Variants in DOCK2 observed in about 807,000 individuals in gnomAD.
DOCK2 encodes the protein dedicator of cytokinesis 2.
In DOCK2, 87 loss-of-function variants were observed where a neutral mutation model predicts 248.9. The observed-to-expected ratio is 0.35, with a 90% CI of 0.29 to 0.42. DOCK2 has a LOEUF of 0.42. Ranked by LOEUF, DOCK2 falls within the 10% of genes least tolerant of loss-of-function variation. The pLI is 1.00. For missense variants in DOCK2, 1,747 were observed against 2,300.2 expected (o/e 0.76, Z 4.92); for synonymous variants, 805 against 821.6 (o/e 0.98, Z 0.35).
chr5:169,683,281 G>A (rs912323531), intron 7 of DOCK2, among the ~76,000 whole-genome samples: 15 of 152,320 alleles, frequency 9.8e-5, no homozygotes, highest in South Asian at 6.2e-4. Context: ...CCAGGCTGGA[G>A]TATAATGGTG....
At chr5:169,868,410 C>G (rs1214314931) in intron 27 of DOCK2, among the ~76,000 whole-genome samples, 1 of 152,180 alleles carries the variant, frequency 6.6e-6, no homozygotes, top group East Asian at 1.9e-4. Flanking sequence ...AATAAACAAA[C>G]AATGACAACA....
In DOCK2 at chr5:169,764,870, T is replaced by TGTC. The variant is rs1764678187; in HGVS notation, c.2554+3247_2554+3248insCGT. Among the ~76,000 whole-genome samples, 1 of 152,060 alleles carries TGTC rather than the reference T, an allele frequency of 6.6e-6. No homozygotes were observed. Among genetic ancestry groups the TGTC allele is most frequent in the African/African-American group, 2.4e-5 (1 of 41,370 alleles). On this transcript the variant is annotated intron_variant, in intron 25 of 51. Transcript: ENST00000520908. This position sits in a 1 kb window ranked among gnomAD's most constrained non-coding sequence, Gnocchi z 4.3. Reference sequence around the variant, plus strand: ...TTGTTGTTGTTGTTGTTGTTGTTGTTGTTTTCAATTTTTATTGCCCTAGAA... The same window carrying TGTC: ...TTGTTGTTGTTGTTGTTGTTGTTGTTGTCGTTTTCAATTTTTATTGCCCTAGAA...
intron 26 of DOCK2, among the ~76,000 whole-genome samples, chr5:169,836,648 A>C (rs866404989): frequency 2.1e-4 from 32 of 152,176 alleles, no homozygotes; most frequent in South Asian, 1.0e-3. Context: ...ACTTCAAAAA[A>C]TAAACACAAT....
chr5:169,659,156 A>G (rs777175556), intron 2 of DOCK2, among the ~76,000 whole-genome samples: 71 of 151,846 alleles, frequency 4.7e-4, no homozygotes, highest in East Asian at 1.9e-4. Context: ...CGGGCTTTCA[A>G]TAGTTTTAAA....
intron 32 of DOCK2, 124 bp downstream of exon 32, chr5:170,008,870 G>A: frequency 8.6e-7 from 1 of 1,163,614 alleles, no homozygotes; most frequent in South Asian, 1.3e-5. Flanking sequence ...TCATTACTGT[G>A]TGTACCCCAG....
intron 25 of DOCK2, among the ~76,000 whole-genome samples, chr5:169,788,409 C>T (rs544981674): frequency 4.8e-4 from 73 of 152,332 alleles, no homozygotes; most frequent in African/African-American, 1.7e-3. Flanking sequence ...ATTAGCTTCT[C>T]TCCAGTTCTT....
chr5:170,063,877 C>A (rs1757409991), intron 44 of DOCK2, among the ~76,000 whole-genome samples: 1 of 152,136 alleles, frequency 6.6e-6, no homozygotes, highest in Non-Finnish European at 1.5e-5. Context: ...CAGATTCTCT[C>A]CCCAGCTTAG....
intron 27 of DOCK2, among the ~76,000 whole-genome samples, chr5:169,948,336 G>A (rs1776526275): frequency 6.6e-6 from 1 of 152,108 alleles, no homozygotes; most frequent in Non-Finnish European, 1.5e-5. Context: ...TTATGAAAAA[G>A]ATAAAACACA....
chr5:169,988,477 C>G (rs1287193980), intron 29 of DOCK2, among the ~76,000 whole-genome samples: 1 of 152,028 alleles, frequency 6.6e-6, no homozygotes, highest in Non-Finnish European at 1.5e-5. Context: ...AAACAATGCT[C>G]TTAATCTCTG....
intron 25 of DOCK2, among the ~76,000 whole-genome samples, chr5:169,768,647 C>A (rs890477740): frequency 2.0e-5 from 3 of 152,176 alleles, no homozygotes; most frequent in African/African-American, 7.2e-5. Context: ...AGCTTCCCTG[C>A]AGCAAGCCGG....
rs137954328 is a variant in DOCK2 at position 169,977,292 on chromosome 5, T to C, written c.2800-5776T>C. Among the ~76,000 whole-genome samples the C allele has an allele frequency of 5.3e-4, 81 of 152,292 alleles. 1 individual carries two copies. Among genetic ancestry groups the C allele is most frequent in the South Asian group, 4.1e-3 (20 of 4,822 alleles). ...CTTAGCTGTTCATCCCAAGCTGTGA[T>C]TGGGAGTGCTTGATGTGTCCATAGA... is the stretch of plus-strand genomic sequence containing the variant. On this transcript the variant is annotated intron_variant, in intron 27 of 51. Coordinates refer to ENST00000520908, the MANE Select transcript of DOCK2 (RefSeq NM_004946.3).
chr5:170,061,030 A>C (rs1394069387), intron 44 of DOCK2, among the ~76,000 whole-genome samples: 1 of 151,814 alleles, frequency 6.6e-6, no homozygotes, highest in Non-Finnish European at 1.5e-5. Context: ...ACTCCATCTA[A>C]AAAAAAATTA....
chr5:169,732,623 A>G (rs943897563), intron 22 of DOCK2, among the ~76,000 whole-genome samples: 1 of 152,182 alleles, frequency 6.6e-6, no homozygotes, highest in African/African-American at 2.4e-5. Context: ...TTGACACCTC[A>G]TTCTGTTACT....
intron 27 of DOCK2, among the ~76,000 whole-genome samples, chr5:169,859,671 C>G (rs1024262838): frequency 3.3e-5 from 5 of 152,298 alleles, no homozygotes; most frequent in African/African-American, 1.2e-4. Flanking sequence ...TGGCCCTGGC[C>G]CCTCACACAT....
chr5:169,700,659 A>G (rs1760913609), intron 13 of DOCK2, among the ~76,000 whole-genome samples: 1 of 152,168 alleles, frequency 6.6e-6, no homozygotes, highest in Non-Finnish European at 1.5e-5. Context: ...CTACATTTCC[A>G]AATGTGTGTA....
At chr5:169,983,813 G>A (rs1012359461) in intron 28 of DOCK2, among the ~76,000 whole-genome samples, 1 of 152,188 alleles carries the variant, frequency 6.6e-6, no homozygotes, top group African/African-American at 2.4e-5. Flanking sequence ...GAGACCAGGA[G>A]CACCAAAATT....
intron 27 of DOCK2, among the ~76,000 whole-genome samples, chr5:169,921,380 C>T (rs978329554): frequency 2.6e-5 from 4 of 152,136 alleles, no homozygotes; most frequent in African/African-American, 9.7e-5. Context: ...GCATAGGGGT[C>T]TTCCAGAAAA....
intron 8 of DOCK2, among the ~76,000 whole-genome samples, chr5:169,688,480 T>A (rs1164385186): frequency 1.3e-5 from 2 of 152,240 alleles, no homozygotes; most frequent in South Asian, 4.1e-4. Flanking sequence ...ACCAGAATTG[T>A]TTTGGATTTC....
Position 169,837,381 on chromosome 5 carries a change from G to A in DOCK2, c.2704-3376G>A, listed in dbSNP as rs534182948. 3.9e-4 allele frequency among the ~76,000 whole-genome samples: 59 copies of A among 152,270 alleles called. 1 individual carries two copies. In the South Asian group the frequency reaches 9.5e-3, roughly 25 times the overall value. ...GGCTGCACTTTTACTGCTTAGCACAGGTTTATCATCTTGAAAGTTTTCCAT... is the reference window on the plus strand; with the variant it reads ...GGCTGCACTTTTACTGCTTAGCACAAGTTTATCATCTTGAAAGTTTTCCAT... On this transcript the variant is annotated intron_variant, in intron 26 of 51. Coordinates refer to ENST00000520908, the MANE Select transcript of DOCK2 (RefSeq NM_004946.3).
Sources: allele counts gnomAD v4.1 joint callset (sites outside exome capture counted in the v4.1 genomes callset), GRCh38; gene constraint gnomAD v4.1.1; non-coding constraint Gnocchi (gnomAD v3.1); transcripts MANE v1.5; gene names NCBI Gene and HGNC (gene_info 2026-07-23, HGNC 2026-07-21).